OOEP: variants seen among roughly 807,000 people sequenced by gnomAD.
OOEP encodes oocyte-expressed protein homolog.
A neutral mutation model predicts 13.7 loss-of-function variants in OOEP; 16 were observed. The observed-to-expected ratio is 1.16, with a 90% confidence interval of 0.79 to 1.77. OOEP has a LOEUF of 1.77. Among genes scored for constraint, OOEP ranks in the 40% most tolerant of loss-of-function variants. The pLI, the probability that OOEP is intolerant of heterozygous loss-of-function variation, is 0.00. For missense variants in OOEP, 195 were observed against 193.1 expected (o/e 1.01, Z -0.06); for synonymous variants, 89 against 77.1 (o/e 1.15, Z -0.81).
At chr6:73,373,060 G>A (rs1054873892), upstream of OOEP, 140 of 1,438,164 alleles carry the variant, frequency 9.7e-5, no homozygotes, top group Admixed American at 2.9e-4. Flanking sequence ...TAACATGATC[G>A]TGACCTTCAG....
chr6:73,385,142 T>G (rs543541202), intron 2 of OOEP, among the ~76,000 whole-genome samples: 16 of 151,478 alleles, frequency 1.1e-4, no homozygotes, highest in Admixed American at 3.3e-4. Flanking sequence ...GTCAGGAGAT[T>G]GAGACCATCC....
intron 2 of OOEP, among the ~76,000 whole-genome samples, chr6:73,377,686 T>C (rs1188427464): frequency 6.6e-6 from 1 of 152,182 alleles, no homozygotes; most frequent in Non-Finnish European, 1.5e-5. Context: ...CATTCATTCA[T>C]TGACAGAGTC....
At chr6:73,387,129 T>C (rs1289117650) in intron 2 of OOEP, among the ~76,000 whole-genome samples, 1 of 151,832 alleles carries the variant, frequency 6.6e-6, no homozygotes, top group African/African-American at 2.4e-5. Context: ...TATATGTATA[T>C]TTTAAACAAT....
At chr6:73,373,329 T>A, upstream of OOEP, 1 of 1,480,810 alleles carries the variant, frequency 6.8e-7, no homozygotes, top group Non-Finnish European at 9.4e-7. Context: ...TTCTCTTCTT[T>A]TGTTTTCTTT....
chr6:73,385,208 G>A (rs1402119600), intron 2 of OOEP, among the ~76,000 whole-genome samples: 1 of 151,850 alleles, frequency 6.6e-6, no homozygotes, highest in East Asian at 2.0e-4. Context: ...TTAGCCGGGT[G>A]TGGTGGCGGG....
chr6:73,394,312 G>C (rs962783431), intron 2 of OOEP: 2 of 714,564 alleles, frequency 2.8e-6, no homozygotes, highest in African/African-American at 3.5e-5. Flanking sequence ...AGTTTTTTAT[G>C]TGTGGATTGG....
intron 2 of OOEP, among the ~76,000 whole-genome samples, chr6:73,382,694 G>A (rs1582628084): frequency 6.6e-6 from 1 of 151,802 alleles, no homozygotes. Context: ...AGGACTACAG[G>A]CATGCACCAC....
intron 2 of OOEP, among the ~76,000 whole-genome samples, chr6:73,385,325 G>A (rs1021011446): frequency 4.6e-5 from 7 of 151,520 alleles, no homozygotes; most frequent in South Asian, 2.1e-4. Context: ...CAGCCTGGGC[G>A]ACAGAGCAAG....
intron 2 of OOEP, among the ~76,000 whole-genome samples, chr6:73,382,502 C>A (rs1032086372): frequency 2.0e-5 from 3 of 151,134 alleles, no homozygotes; most frequent in Non-Finnish European, 4.4e-5. Context: ...AAGCATGAGC[C>A]ACTGTGCCTG....
At chr6:73,369,117 G>A (rs1319311228) in intron 2 of OOEP, 89 bp downstream of exon 2, 1 of 1,373,790 alleles carries the variant, frequency 7.3e-7, no homozygotes. Flanking sequence ...GAAATTTTGA[G>A]AAGGTTAAGG....
At chr6:73,393,101 C>T (rs1204197728) in intron 2 of OOEP, among the ~76,000 whole-genome samples, 2 of 150,138 alleles carry the variant, frequency 1.3e-5, no homozygotes, top group African/African-American at 2.5e-5. Flanking sequence ...GATGATTGAA[C>T]TGAAAAAAAA....
At position 73,395,067 on chromosome 6, in the gene OOEP, C is replaced by T. The variant is rs764941098; in HGVS notation, c.-467G>A. 27 of 1,613,002 alleles carry T rather than the reference C, an allele frequency of 1.7e-5. No homozygotes were observed. The South Asian group carries it at 2.3e-4, about 14-fold the overall frequency. The stretch of plus-strand genomic sequence containing the variant: ...GCAGAGGTGGTCGCTGGAGAGGCAC[C>T]TCTAGGCCCCCGGAGGCCGTGGCCG... On this transcript the variant is annotated 5_prime_UTR_variant, in exon 1 of 4. Coordinates refer to the OOEP transcript ENST00000370363.
upstream of OOEP, among the ~76,000 whole-genome samples, chr6:73,374,135 CTA>C (rs997487120): frequency 6.6e-6 from 1 of 151,990 alleles, no homozygotes; most frequent in Non-Finnish European, 1.5e-5. Context: ...CTGCAGTGAG[CTA>C]TGATTGCACC....
upstream of OOEP, among the ~76,000 whole-genome samples, chr6:73,371,682 G>A (rs1193429003): frequency 3.9e-5 from 6 of 151,932 alleles, no homozygotes; most frequent in South Asian, 2.1e-4. Flanking sequence ...CCCAGGAGGC[G>A]GAGGTTGTCG....
intron 2 of OOEP, 71 bp from the exon 3 acceptor site, chr6:73,368,934 T>A: frequency 4.2e-6 from 5 of 1,195,236 alleles, no homozygotes; most frequent in Non-Finnish European, 6.2e-6. Flanking sequence ...ACTCCGTGAC[T>A]GGGAGTTGGG....
intron 2 of OOEP, among the ~76,000 whole-genome samples, chr6:73,381,780 A>C (rs968753770): frequency 6.6e-6 from 1 of 152,158 alleles, no homozygotes; most frequent in Non-Finnish European, 1.5e-5. Flanking sequence ...CAGGAGTTCG[A>C]GACCAGCCTG....
chr6:73,377,791 C>T (rs1454376641), intron 2 of OOEP, among the ~76,000 whole-genome samples: 1 of 152,114 alleles, frequency 6.6e-6, no homozygotes, highest in Admixed American at 6.5e-5. Flanking sequence ...CCTCAGTCTC[C>T]TGAGGAGCTG....
chr6:73,392,877 G>A lies in OOEP; in HGVS notation c.25+1469C>T, dbSNP rs1405218664. ...GATCTCTTGACCTTGTGATCCAGCC[G>A]CCTCTGCCTCCCAAAGTGCTGGGAT... On this transcript the variant is annotated intron_variant, in intron 2 of 3. Transcript: ENST00000370363. Among the ~76,000 whole-genome samples the A allele has an allele frequency of 3.3e-5, 5 of 151,178 alleles. No individual in the cohort carries two copies. The East Asian group carries it at 5.9e-4, about 18-fold the overall frequency.
intron 2 of OOEP, among the ~76,000 whole-genome samples, chr6:73,381,674 G>A (rs1769210092): frequency 6.6e-6 from 1 of 152,058 alleles, no homozygotes; most frequent in African/African-American, 2.4e-5. Flanking sequence ...GGCCGGCGTG[G>A]GGGGACAATT....
Sources: allele counts gnomAD v4.1 joint callset (sites outside exome capture counted in the v4.1 genomes callset), GRCh38; gene constraint gnomAD v4.1.1; transcripts MANE v1.5; gene names NCBI Gene and HGNC (gene_info 2026-07-23, HGNC 2026-07-21).